The following ASIC2 variants were observed in gnomAD, a reference collection of about 807,000 sequenced individuals.
The protein encoded by ASIC2 is acid sensing ion channel subunit 2.
ASIC2 carries 25 observed loss-of-function variants against 57.3 expected under a neutral mutation model. The observed-to-expected ratio is 0.44, with a 90% CI of 0.32 to 0.61. ASIC2 has a LOEUF of 0.61. ASIC2 is among the 20% of genes least tolerant of loss of function. ASIC2 has a pLI of 0.06. For synonymous variants in ASIC2, 319 were observed against 307.5 expected (o/e 1.04, Z -0.39); for missense variants, 641 against 738.1 (o/e 0.87, Z 1.52).
intron 3 of ASIC2, among the ~76,000 whole-genome samples, chr17:33,071,845 G>A (rs983704952): frequency 1.3e-5 from 2 of 152,186 alleles, no homozygotes; most frequent in Non-Finnish European, 2.9e-5. Flanking sequence ...TTTACCAAGT[G>A]TTCCATGAAT....
chr17:33,622,994 A>T lies in ASIC2; in HGVS notation c.556-510927T>A, dbSNP rs1186174524. ...CATTGGTCGAATTTTTTATTTGGAC[A>T]TTTATTTAGTGCCTGCCAAGCAACA... On this transcript the variant is annotated intron_variant, in intron 1 of 9. Transcript: ENST00000359872. Among the ~76,000 whole-genome samples the T allele has an allele frequency of 3.9e-5, 6 of 152,244 alleles. No homozygotes were observed. The East Asian group carries it at 7.7e-4, about 20-fold the overall frequency.
intron 1 of ASIC2, among the ~76,000 whole-genome samples, chr17:33,787,402 G>T (rs1911638278): frequency 1.3e-5 from 2 of 152,218 alleles, no homozygotes; most frequent in South Asian, 4.1e-4. Flanking sequence ...AATATCTAGT[G>T]TTCCCTTCAG....
chr17:33,697,652 C>T (rs570747477), intron 1 of ASIC2, among the ~76,000 whole-genome samples: 1 of 152,338 alleles, frequency 6.6e-6, no homozygotes, highest in South Asian at 2.1e-4. Context: ...TAACTGCCCT[C>T]ATTTCTCACT....
At chr17:34,141,271 G>T (rs970416027) in intron 1 of ASIC2, among the ~76,000 whole-genome samples, 2 of 152,196 alleles carry the variant, frequency 1.3e-5, no homozygotes, top group African/African-American at 4.8e-5. Context: ...GTCCTGGATG[G>T]ACTCCTTTAG....
intron 1 of ASIC2, among the ~76,000 whole-genome samples, chr17:34,088,568 TGTCA>T (rs1242802791): frequency 6.6e-6 from 1 of 152,244 alleles, no homozygotes; most frequent in African/African-American, 2.4e-5. Flanking sequence ...TCTTCAAAGC[TGTCA>T]GACAGGGACA....
intron 1 of ASIC2, among the ~76,000 whole-genome samples, chr17:33,187,106 G>A (rs1295289426): frequency 6.6e-6 from 1 of 152,094 alleles, no homozygotes; most frequent in East Asian, 1.9e-4. Context: ...CTGAATCCCG[G>A]CGAAACCATT....
At chr17:33,420,961 G>T (rs758278953) in intron 1 of ASIC2, among the ~76,000 whole-genome samples, 2 of 152,210 alleles carry the variant, frequency 1.3e-5, no homozygotes, top group Non-Finnish European at 2.9e-5. Flanking sequence ...AAGTGGTAGA[G>T]TTGGAACATT....
intron 1 of ASIC2, among the ~76,000 whole-genome samples, chr17:33,354,353 C>T (rs557607784): frequency 4.2e-4 from 64 of 152,296 alleles, no homozygotes; most frequent in Non-Finnish European, 5.7e-4. Flanking sequence ...GATCCCTCAT[C>T]TCTCACCTGG....
intron 1 of ASIC2, among the ~76,000 whole-genome samples, chr17:33,844,770 T>C (rs1488244406): frequency 6.6e-6 from 1 of 152,252 alleles, no homozygotes; most frequent in Non-Finnish European, 1.5e-5. Context: ...CTATTAGTGA[T>C]TGCAAATATC....
intron 1 of ASIC2, among the ~76,000 whole-genome samples, chr17:33,306,844 C>T (rs1485744792): frequency 6.6e-6 from 1 of 152,162 alleles, no homozygotes; most frequent in Non-Finnish European, 1.5e-5. Flanking sequence ...TGCTGTGTCA[C>T]ACAGTGTGTT....
intron 1 of ASIC2, among the ~76,000 whole-genome samples, chr17:33,382,426 C>T (rs775617046): frequency 2.6e-5 from 4 of 152,104 alleles, no homozygotes; most frequent in Admixed American, 1.3e-4. Context: ...GATATGTCTC[C>T]AGACCCCAAA....
intron 1 of ASIC2, among the ~76,000 whole-genome samples, chr17:33,384,402 T>C (rs1379961587): frequency 2.0e-5 from 3 of 152,218 alleles, no homozygotes; most frequent in Non-Finnish European, 4.4e-5. Context: ...TGAGCTGCCC[T>C]GTGATGCTAG....
At chr17:33,270,860 C>T (rs1266072285) in intron 1 of ASIC2, among the ~76,000 whole-genome samples, 1 of 152,336 alleles carries the variant, frequency 6.6e-6, no homozygotes, top group East Asian at 1.9e-4. Context: ...CTACTCTATG[C>T]CAGGCCCAGT....
intron 1 of ASIC2, among the ~76,000 whole-genome samples, chr17:33,858,953 G>A (rs1036212208): frequency 1.3e-5 from 2 of 152,208 alleles, no homozygotes; most frequent in African/African-American, 4.8e-5. Flanking sequence ...GTCCCTTCAA[G>A]ATTTGATATT....
intron 1 of ASIC2, among the ~76,000 whole-genome samples, chr17:33,324,396 G>T (rs960364075): frequency 6.6e-6 from 1 of 152,098 alleles, no homozygotes; most frequent in Non-Finnish European, 1.5e-5. Context: ...ACAGTCTGGG[G>T]CTGGTGTTCT....
chr17:34,126,570 C>T (rs1911787291), intron 1 of ASIC2, among the ~76,000 whole-genome samples: 1 of 152,170 alleles, frequency 6.6e-6, no homozygotes, highest in South Asian at 2.1e-4. Context: ...TCTCTCTCAG[C>T]CTCCCTAGGG....
chr17:33,693,323 T>C (rs1473599412), intron 1 of ASIC2, among the ~76,000 whole-genome samples: 1 of 152,230 alleles, frequency 6.6e-6, no homozygotes, highest in African/African-American at 2.4e-5. Flanking sequence ...GGGAGAATCC[T>C]CTTGATTTTT....
At chr17:34,028,042 T>C (rs1351206026) in intron 1 of ASIC2, among the ~76,000 whole-genome samples, 1 of 152,102 alleles carries the variant, frequency 6.6e-6, no homozygotes, top group Non-Finnish European at 1.5e-5. Context: ...GAAAATGAGG[T>C]TCAGAGGTGA....
intron 3 of ASIC2, among the ~76,000 whole-genome samples, chr17:33,058,627 CA>C (rs2092007979): frequency 6.6e-6 from 1 of 152,056 alleles, no homozygotes; most frequent in South Asian, 2.1e-4. Context: ...GTCAGCTGTC[CA>C]GTAACCATCT....
Sources: gnomAD v4.1 joint callset for allele counts (sites outside exome capture counted in the v4.1 genomes callset) on GRCh38, gnomAD v4.1.1 for gene constraint, MANE v1.5 for transcripts, NCBI Gene and HGNC (gene_info 2026-07-23, HGNC 2026-07-21) for gene names.